ABL2: variants seen among roughly 807,000 people sequenced by gnomAD.
The protein encoded by ABL2 is ABL proto-oncogene 2, non-receptor tyrosine kinase, also known as tyrosine-protein kinase ABL2.
Under a neutral mutation model 107.7 loss-of-function variants are expected in ABL2, and 49 were observed. The ratio of observed to expected loss-of-function variants is 0.45; its 90% CI spans 0.36 to 0.58. The LOEUF (loss-of-function observed/expected upper bound fraction) is 0.58. ABL2 is among the 20% of genes least tolerant of loss of function. ABL2 has a pLI of 0.00. For missense variants in ABL2, 1,245 were observed against 1,457.0 expected (o/e 0.85, Z 2.37); for synonymous variants, 549 against 548.6 (o/e 1.00, Z -0.01).
At chr1:179,135,751 C>A (rs907429125) in intron 1 of ABL2, among the ~76,000 whole-genome samples, 1 of 146,886 alleles carries the variant, frequency 6.8e-6, no homozygotes, top group Admixed American at 6.6e-5. Context: ...TCTGCCCGGC[C>A]AGCTGCCCCG....
At position 179,215,632 on chromosome 1, in the gene ABL2, T is replaced by C. The variant is rs913270040; in HGVS notation, c.157+13609A>G. On this transcript the variant is annotated intron_variant, in intron 1 of 11. Coordinates refer to ENST00000502732, the MANE Select transcript of ABL2 (RefSeq NM_007314.4). ...ATCCCAGCTACTCAGGAGGCAGAGGTTGTAGTGAGCTGAGATCATGCCACT... is the reference window on the plus strand; with the variant it reads ...ATCCCAGCTACTCAGGAGGCAGAGGCTGTAGTGAGCTGAGATCATGCCACT... Among the ~76,000 whole-genome samples the C allele has an allele frequency of 2.0e-5, 3 of 151,594 alleles. No homozygotes were observed. The South Asian group carries it at 6.2e-4, about 32-fold the overall frequency.
intron 1 of ABL2, among the ~76,000 whole-genome samples, chr1:179,218,990 GCCACATTAAGAAAAAGC>G (rs1238497465): frequency 2.6e-5 from 4 of 152,194 alleles, no homozygotes; most frequent in Non-Finnish European, 5.9e-5. Flanking sequence ...TATGTGCAGT[GCCACATTAAGAAAAAGC>G]CCATCTGACT....
chr1:179,115,395 C>T (rs1431993873), intron 8 of ABL2, among the ~76,000 whole-genome samples: 1 of 152,188 alleles, frequency 6.6e-6, no homozygotes, highest in Non-Finnish European at 1.5e-5. Context: ...TCACTTCCCA[C>T]AGTTTCAGCT....
At chr1:179,193,481 T>A (rs1190732785) in intron 1 of ABL2, among the ~76,000 whole-genome samples, 1 of 149,758 alleles carries the variant, frequency 6.7e-6, no homozygotes, top group East Asian at 2.0e-4. Flanking sequence ...TTGACTCACT[T>A]GCAACCTCTG....
At chr1:179,211,228 T>G (rs902564207) in intron 1 of ABL2, among the ~76,000 whole-genome samples, 9 of 152,078 alleles carry the variant, frequency 5.9e-5, no homozygotes, top group Non-Finnish European at 7.4e-5. Context: ...GACTTAAAAG[T>G]GCAATTAGGC....
At chr1:179,125,747 C>T (rs145248214) in intron 4 of ABL2, among the ~76,000 whole-genome samples, 9 of 152,322 alleles carry the variant, frequency 5.9e-5, no homozygotes, top group South Asian at 2.1e-4. Flanking sequence ...AAAGCCTGTG[C>T]TTCCCCCACA....
chr1:179,128,951 C>A (rs540048017), intron 3 of ABL2, among the ~76,000 whole-genome samples: 1 of 152,012 alleles, frequency 6.6e-6, no homozygotes. Context: ...TCCCAAAGTG[C>A]TGAGAATACA....
At chr1:179,130,936 A>ATTTTTTTTTTT (rs11382795) in intron 3 of ABL2, among the ~76,000 whole-genome samples, 1 of 142,618 alleles carries the variant, frequency 7.0e-6, no homozygotes, top group Non-Finnish European at 1.5e-5. Context: ...TTTCAGGATA[A>ATTTTTTTTTTT]TTTTTTTTTT....
chr1:179,159,972 G>A (rs1300839764), intron 1 of ABL2, among the ~76,000 whole-genome samples: 3 of 151,878 alleles, frequency 2.0e-5, no homozygotes, highest in Admixed American at 1.3e-4. Flanking sequence ...AAATTAGCTG[G>A]GTATGACGGC....
At chr1:179,140,749 G>A (rs747856128) in intron 1 of ABL2, among the ~76,000 whole-genome samples, 7 of 152,198 alleles carry the variant, frequency 4.6e-5, no homozygotes, top group Non-Finnish European at 7.3e-5. Context: ...CTGGATGAAC[G>A]CAGGCCAGGC....
At chr1:179,130,624 T>C (rs1428646564) in intron 3 of ABL2, among the ~76,000 whole-genome samples, 2 of 152,072 alleles carry the variant, frequency 1.3e-5, no homozygotes, top group Admixed American at 6.5e-5. Context: ...TTGATTTCCA[T>C]TATAGTAATA....
chr1:179,142,850 A>C (rs1657712699), intron 1 of ABL2: 2 of 1,487,964 alleles, frequency 1.3e-6, no homozygotes, highest in Admixed American at 4.2e-5. Context: ...AGTAGCAGAT[A>C]AGATGAATTT....
chr1:179,132,231 G>A (rs922636529), intron 2 of ABL2, among the ~76,000 whole-genome samples: 36 of 152,060 alleles, frequency 2.4e-4, no homozygotes, highest in South Asian at 1.9e-3. Flanking sequence ...TACTATCATC[G>A]GGCATTTATT....
intron 1 of ABL2, among the ~76,000 whole-genome samples, chr1:179,173,312 C>A (rs1659837354): frequency 6.7e-6 from 1 of 149,744 alleles, no homozygotes. Context: ...ATAGCTCATA[C>A]AATTAGAATA....
At chr1:179,210,441 T>C (rs954693950) in intron 1 of ABL2, among the ~76,000 whole-genome samples, 1 of 140,128 alleles carries the variant, frequency 7.1e-6, no homozygotes, top group Non-Finnish European at 1.5e-5. Flanking sequence ...GAGGTGGACG[T>C]TGCAGTGAAC....
rs58297805 is a variant in ABL2 at position 179,147,181 on chromosome 1, C to CAAAAAAAAAAAAAAAAAAAAAAAA, written c.158-13831_158-13808dup. ...CCAATCACTAATCATCAGAGAAATG[C>CAAAAAAAAAAAAAAAAAAAAAAAA]AAAAAAAAAAAAAAAAAAAAAAAAA... On this transcript the variant is annotated intron_variant, in intron 1 of 11. Transcript: ENST00000502732. 3.6e-4 allele frequency among the ~76,000 whole-genome samples: 18 copies of CAAAAAAAAAAAAAAAAAAAAAAAA among 50,536 alleles called. 2 individuals are homozygous for CAAAAAAAAAAAAAAAAAAAAAAAA. The highest frequency in any genetic ancestry group is 1.1e-3 in the African/African-American group (15 of 13,244). The allele number at this position is 50,536 out of a possible 152,430, so 33.2% of individuals were successfully genotyped here.
In ABL2 at chr1:179,208,248, GTCAC is replaced by G. The variant is rs532705136; in HGVS notation, c.157+20989_157+20992del. 3.3e-5 allele frequency among the ~76,000 whole-genome samples: 5 copies of G among 152,178 alleles called. No homozygotes were observed. The East Asian group carries it at 9.7e-4, about 29-fold the overall frequency. On this transcript the variant is annotated intron_variant, in intron 1 of 11. Transcript: ENST00000502732. ...TAAGGTTTGGGGTACGAATAATCCT[GTCAC>G]TCAGGTAGTAAGCACGGTGCCCAAC...
chr1:179,126,517 C>T lies in ABL2; in HGVS notation c.547G>A (p.Ala183Thr). The T allele has an allele frequency of 6.2e-7, 1 of 1,614,210 alleles. No individual in the cohort carries two copies. The highest frequency in any genetic ancestry group is 1.1e-5 in the South Asian group (1 of 91,088). Residue 183 changes from alanine to threonine, a missense_variant, in exon 4 of 12, where the codon GCT becomes ACT. Ala to Thr is a moderately conservative substitution (Grantham distance 58). Around this residue, in one of 3 missense-constraint regions of ABL2, gnomAD observed 320 missense variants for 547.0 expected, o/e 0.59. Transcript: ENST00000502732. The surrounding 1 kb of genome is among the most constrained non-coding windows in gnomAD (Gnocchi z 4.4). ...WYHGPVSRSA[A>T]EYLLSSLING... Reference sequence around the variant, plus strand: ...ATTAGACTGCTGAGCAGATACTCAGCTGCACTGCGTGACACAGGTCCATGG... The same window carrying T: ...ATTAGACTGCTGAGCAGATACTCAGTTGCACTGCGTGACACAGGTCCATGG...
At chr1:179,120,104 GAAA>G in intron 6 of ABL2, 83 bp downstream of exon 6, 1 of 649,732 alleles carries the variant, frequency 1.5e-6, no homozygotes, top group Non-Finnish European at 2.4e-6. Flanking sequence ...TATTTAAAAA[GAAA>G]AAAAAAAAGC....
Sources: allele counts gnomAD v4.1 joint callset (sites outside exome capture counted in the v4.1 genomes callset), GRCh38; gene constraint gnomAD v4.1.1; regional missense constraint gnomAD v4.1.1; non-coding constraint Gnocchi (gnomAD v3.1); transcripts MANE v1.5; gene names NCBI Gene and HGNC (gene_info 2026-07-23, HGNC 2026-07-21).